The following ZNF569 variants were observed in gnomAD, a reference collection of about 807,000 sequenced individuals.
ZNF569 encodes zinc finger protein 569.
Under a neutral mutation model 56.3 loss-of-function variants are expected in ZNF569, and 38 were observed. The ratio of observed to expected loss-of-function variants is 0.68; its 90% CI spans 0.52 to 0.88. ZNF569 has a LOEUF of 0.88. Among genes scored for constraint, ZNF569 ranks in the 40% least tolerant of loss-of-function variants. The pLI is 0.00. For missense variants in ZNF569, 666 were observed against 809.2 expected, an observed-to-expected ratio of 0.82 and a Z score of 2.15; for synonymous variants, 241 against 262.9, an observed-to-expected ratio of 0.92 and a Z score of 0.81.
chr19:37,426,754 C>T (rs1446645141), intron 3 of ZNF569, among the ~76,000 whole-genome samples: 1 of 152,142 alleles, frequency 6.6e-6, no homozygotes, highest in Non-Finnish European at 1.5e-5. Flanking sequence ...GGACATGCAA[C>T]TGGAGATAGC....
intron 3 of ZNF569, among the ~76,000 whole-genome samples, chr19:37,427,266 G>A (rs138935539): frequency 1.1e-3 from 166 of 151,856 alleles, no homozygotes; most frequent in African/African-American, 3.5e-3. Flanking sequence ...GCAGTGAGTC[G>A]TGATTGCACC....
At chr19:37,435,119 C>A (rs910256029) in intron 3 of ZNF569, among the ~76,000 whole-genome samples, 5 of 151,838 alleles carry the variant, frequency 3.3e-5, no homozygotes, top group African/African-American at 9.7e-5. Context: ...GAGACTCCAT[C>A]TCAAAAATAA....
At chr19:37,443,855 A>C (rs1300212409) in intron 3 of ZNF569, among the ~76,000 whole-genome samples, 1 of 150,870 alleles carries the variant, frequency 6.6e-6, no homozygotes, top group Admixed American at 6.6e-5. Context: ...AAAAATACAA[A>C]AAAAAAAAAA....
At position 37,412,780 on chromosome 19, in the gene ZNF569, T is replaced by A. The variant is rs2040859109; in HGVS notation, c.1878A>T (p.Arg626=). ...CGAAGGGTTTCTCACCTGTATGTCC[T>A]CGTATATGTATAGTAAGGGATGAGC... ...SQSSSLTIHI[R]GHTGEKPFDC... Residue 626 remains arginine (R), a synonymous_variant, in exon 6 of 6, where the codon CGA becomes CGT. Transcript: ENST00000316950. 6.2e-7 allele frequency: 1 copy of A among 1,614,060 alleles called. No individual in the cohort carries two copies. The highest frequency in any genetic ancestry group is 1.1e-5 in the South Asian group (1 of 91,082).
At chr19:37,421,743 CTTTT>C (rs748058159) in intron 5 of ZNF569, among the ~76,000 whole-genome samples, 1 of 79,662 alleles carries the variant, frequency 1.3e-5, no homozygotes, top group Non-Finnish European at 2.3e-5. Flanking sequence ...TGTAGTGGCA[CTTTT>C]TTTTTTTTTT....
At position 37,413,400 on chromosome 19, in the gene ZNF569, T is replaced by TG. The variant is rs1452107092; in HGVS notation, c.1257dup (p.Ser420GlnfsTer15). 3.1e-6 allele frequency: 5 copies of TG among 1,612,784 alleles called. No homozygotes were observed. Among genetic ancestry groups the TG allele is most frequent in the Non-Finnish European group, 3.4e-6 (4 of 1,179,656 alleles). Reference sequence around the variant, plus strand: ...TGTGTAATGAAGTTTTTCTTGTGGCTGAAGGCTTTTCTGCATTCCTTACAT... The same window carrying TG: ...TGTGTAATGAAGTTTTTCTTGTGGCTGGAAGGCTTTTCTGCATTCCTTACAT... On this transcript the variant is annotated frameshift_variant, in exon 6 of 6. Coordinates refer to ENST00000316950, the MANE Select transcript of ZNF569 (RefSeq NM_152484.3). LOFTEE classifies it high-confidence loss of function.
chr19:37,460,480 C>T (rs1053182620), intron 2 of ZNF569, among the ~76,000 whole-genome samples: 2 of 151,744 alleles, frequency 1.3e-5, no homozygotes, highest in Non-Finnish European at 2.9e-5. Flanking sequence ...AATAATCACA[C>T]CAAGTGTAAA....
rs2040875228 is a variant in ZNF569 at position 37,413,502 on chromosome 19, C to T, written c.1156G>A (p.Glu386Lys). The T allele has an allele frequency of 1.2e-6, 2 of 1,613,366 alleles. No individual in the cohort carries two copies. The highest frequency in any genetic ancestry group is 1.7e-6 in the Non-Finnish European group (2 of 1,179,756). ...CTTTGAGAGAAGGCTTTTCCACACT[C>T]ATTACATTCATAGGGTTTTTCACCT... ...HTGEKPYECN[E>K]CGKAFSQSSA... Residue 386 changes from glutamate to lysine, a missense_variant, in exon 6 of 6, where the codon GAG (glutamate) becomes AAG (lysine). Glu to Lys is a moderately conservative substitution (Grantham distance 56, BLOSUM62 1). Transcript: ENST00000316950.
chr19:37,416,209 G>A (rs190795209), intron 5 of ZNF569, among the ~76,000 whole-genome samples: 309 of 150,600 alleles, frequency 2.1e-3, no homozygotes, highest in Non-Finnish European at 3.3e-3. Context: ...CTAGCCTGGG[G>A]GAAAGATTAA....
intron 2 of ZNF569, among the ~76,000 whole-genome samples, chr19:37,445,951 C>A (rs2041486318): frequency 6.6e-6 from 1 of 151,556 alleles, no homozygotes; most frequent in South Asian, 2.1e-4. Flanking sequence ...AAAAAACAAT[C>A]CTAAAAATCA....
chr19:37,420,709 C>T (rs1242002471), intron 5 of ZNF569, among the ~76,000 whole-genome samples: 1 of 152,202 alleles, frequency 6.6e-6, no homozygotes, highest in African/African-American at 2.4e-5. Context: ...GAATGAACCT[C>T]TTTCAAACTC....
chr19:37,460,248 A>C (rs1045714620), intron 2 of ZNF569, among the ~76,000 whole-genome samples: 8 of 152,068 alleles, frequency 5.3e-5, no homozygotes, highest in Non-Finnish European at 1.0e-4. Flanking sequence ...TCCTGGGTTC[A>C]AGCAATTCTC....
intron 3 of ZNF569, among the ~76,000 whole-genome samples, chr19:37,432,904 CT>C (rs869051048): frequency 0.013 from 1,640 of 122,510 alleles, 19 homozygotes; most frequent in Admixed American, 0.049. Flanking sequence ...ATGCATCAGT[CT>C]TTTTTTTTTT....
chr19:37,427,348 A>C (rs533788651), intron 3 of ZNF569, among the ~76,000 whole-genome samples: 1 of 152,324 alleles, frequency 6.6e-6, no homozygotes, highest in Admixed American at 6.5e-5. Context: ...GAATTTCAAA[A>C]AAACTGGTGA....
At chr19:37,456,106 C>T (rs1410898993) in intron 2 of ZNF569, among the ~76,000 whole-genome samples, 9 of 152,206 alleles carry the variant, frequency 5.9e-5, no homozygotes, top group Non-Finnish European at 1.3e-4. Flanking sequence ...TGTGACTTCA[C>T]TTTGTGGCTC....
chr19:37,467,988 C>T, upstream of ZNF569: 4 of 1,509,046 alleles, frequency 2.7e-6, no homozygotes, highest in Non-Finnish European at 3.6e-6. Context: ...GTAGTGTGGC[C>T]AGACCGCCTG....
At chr19:37,428,369 A>G (rs2041170268) in intron 3 of ZNF569, among the ~76,000 whole-genome samples, 1 of 151,934 alleles carries the variant, frequency 6.6e-6, no homozygotes, top group Non-Finnish European at 1.5e-5. Flanking sequence ...TGAATGAATG[A>G]ATGAATGCCG....
intron 3 of ZNF569, among the ~76,000 whole-genome samples, chr19:37,429,800 C>T (rs1231281530): frequency 6.6e-6 from 1 of 152,190 alleles, no homozygotes; most frequent in African/African-American, 2.4e-5. Context: ...CTCACAACTT[C>T]AGGATGGTCT....
At chr19:37,415,271 ATAAAT>A (rs2040909090) in intron 5 of ZNF569, among the ~76,000 whole-genome samples, 1 of 152,148 alleles carries the variant, frequency 6.6e-6, no homozygotes, top group Admixed American at 6.5e-5. Flanking sequence ...ATTACTATAA[ATAAAT>A]TAATGAAAAA....
Sources: allele counts gnomAD v4.1 joint callset (sites outside exome capture counted in the v4.1 genomes callset), GRCh38; gene constraint gnomAD v4.1.1; transcripts MANE v1.5; gene names NCBI Gene and HGNC (gene_info 2026-07-23, HGNC 2026-07-21).